The following NAALADL2 variants were observed in gnomAD, a reference collection of about 807,000 sequenced individuals.
The protein encoded by NAALADL2 is inactive N-acetylated-alpha-linked acidic dipeptidase-like protein 2.
In NAALADL2, 76 loss-of-function variants were observed where a neutral mutation model predicts 87.2. That is an observed-to-expected ratio of 0.87 (90% CI 0.72 to 1.05). NAALADL2 has a LOEUF of 1.05. Among genes scored for constraint, NAALADL2 ranks in the 50% least tolerant of loss-of-function variants. The probability of loss-of-function intolerance (pLI) is 0.00; values close to 1 mark genes in which losing one functional copy is unlikely to be tolerated. For synonymous variants in NAALADL2, 354 were observed against 331.0 expected (o/e 1.07, Z -0.75); for missense variants, 1,089 against 945.8 (o/e 1.15, Z -1.99).
At chr3:174,946,043 CAAAAAAAAA>C (rs57964168) in intron 1 of NAALADL2, among the ~76,000 whole-genome samples, 6 of 50,264 alleles carry the variant, frequency 1.2e-4, no homozygotes, top group African/African-American at 3.4e-4. Context: ...GACTCTGCCT[CAAAAAAAAA>C]AAAAAAAAAA....
rs570008788 is a variant in NAALADL2, at chr3:174,697,433, T to C, written c.-114-40208T>C. Among the ~76,000 whole-genome samples, 4 of 152,314 alleles carry C rather than the reference T, an allele frequency of 2.6e-5. No homozygotes were observed. In the East Asian group the frequency reaches 5.8e-4, roughly 22 times the overall value. On this transcript the variant is annotated intron_variant, in intron 2 of 3. Transcript: ENST00000434257. ...CCTTAGAAGACCTAATGGAGATAAATTTGAAGCCTTCCAGTAAGTCACATT... is the reference window on the plus strand; with the variant it reads ...CCTTAGAAGACCTAATGGAGATAAACTTGAAGCCTTCCAGTAAGTCACATT...
chr3:175,150,479 G>C (rs1180892619), intron 2 of NAALADL2, among the ~76,000 whole-genome samples: 4 of 151,998 alleles, frequency 2.6e-5, no homozygotes, highest in Non-Finnish European at 5.9e-5. Flanking sequence ...TCTATATGTT[G>C]TTTGTCTTTT....
chr3:175,102,966 G>C (rs150991837), intron 2 of NAALADL2, among the ~76,000 whole-genome samples: 2 of 151,940 alleles, frequency 1.3e-5, no homozygotes, highest in East Asian at 3.9e-4. Context: ...AAAATTACCC[G>C]GGCATGGTGG....
At chr3:175,210,458 A>G (rs372936898) in intron 2 of NAALADL2, among the ~76,000 whole-genome samples, 1 of 151,898 alleles carries the variant, frequency 6.6e-6, no homozygotes. Context: ...GTGTATGTAC[A>G]TGTTTATGTG....
At chr3:175,008,149 G>A (rs1244974138) in intron 1 of NAALADL2, among the ~76,000 whole-genome samples, 3 of 152,130 alleles carry the variant, frequency 2.0e-5, no homozygotes, top group African/African-American at 7.2e-5. Context: ...AAGCTGAGGT[G>A]AGAGGATCAA....
chr3:175,359,719 CATTAA>C (rs1281719976), intron 5 of NAALADL2, among the ~76,000 whole-genome samples: 2 of 152,138 alleles, frequency 1.3e-5, no homozygotes, highest in East Asian at 3.9e-4. Context: ...AAGAATTAAA[CATTAA>C]ATTATATGGA....
intron 5 of NAALADL2, among the ~76,000 whole-genome samples, chr3:175,439,466 A>T (rs754527090): frequency 6.6e-6 from 1 of 151,636 alleles, no homozygotes; most frequent in Non-Finnish European, 1.5e-5. Context: ...CCAACAGCGT[A>T]CAAGGGTTCC....
At chr3:175,334,443 T>C (rs1761768444) in intron 5 of NAALADL2, among the ~76,000 whole-genome samples, 1 of 152,212 alleles carries the variant, frequency 6.6e-6, no homozygotes, top group Non-Finnish European at 1.5e-5. Flanking sequence ...TATTCATTTG[T>C]TTATCTTTCC....
rs1721298362 is a variant in NAALADL2 at position 175,097,145 on chromosome 3, C to T, written c.399C>T (p.Thr133=). ...CHVLKILCTA[T]ILFIFGILIG... ...TCTTAAAAATACTTTGCACAGCCAC[C>T]ATTTTATTTATTTTTGGGATTTTGA... Residue 133 remains threonine, a synonymous_variant, in exon 2 of 14, where the codon ACC becomes ACT. Transcript: ENST00000454872. 6.2e-7 allele frequency: 1 copy of T among 1,613,796 alleles called. No homozygotes were observed.
rs116597707 is a variant in NAALADL2 at position 174,897,066 on chromosome 3, A to G, written c.43+37616A>G. On this transcript the variant is annotated intron_variant, in intron 1 of 13. Coordinates refer to ENST00000454872, the MANE Select transcript of NAALADL2 (RefSeq NM_207015.3). ...AAGACTTTAAACTATGAAAACTACTACAAGAAAACATTGTGGAACTCTCCA... is the reference window on the plus strand; with the variant it reads ...AAGACTTTAAACTATGAAAACTACTGCAAGAAAACATTGTGGAACTCTCCA... Among the ~76,000 whole-genome samples, 971 of 152,328 alleles carry G rather than the reference A, an allele frequency of 6.4e-3. 13 individuals are homozygous for G. The highest frequency in any genetic ancestry group is 0.022 in the African/African-American group (899 of 41,572).
At chr3:175,679,503 A>G (rs1370378669) in intron 11 of NAALADL2, among the ~76,000 whole-genome samples, 3 of 152,276 alleles carry the variant, frequency 2.0e-5, no homozygotes, top group South Asian at 2.1e-4. Flanking sequence ...GCTCTTCTGT[A>G]TAGTCTTCTT....
intron 11 of NAALADL2, among the ~76,000 whole-genome samples, chr3:175,667,243 A>G (rs182256867): frequency 0.032 from 3,414 of 105,108 alleles, 72 homozygotes; most frequent in Middle Eastern, 0.047. Flanking sequence ...AAGAAAGAAA[A>G]AGAAAGAAAG....
chr3:175,791,007 G>C (rs781569197), intron 13 of NAALADL2, among the ~76,000 whole-genome samples: 1 of 152,106 alleles, frequency 6.6e-6, no homozygotes, highest in South Asian at 2.1e-4. Context: ...AGGGAGCTGG[G>C]AAAAAATACA....
intron 5 of NAALADL2, among the ~76,000 whole-genome samples, chr3:175,340,657 C>A (rs1313461135): frequency 1.3e-5 from 2 of 152,104 alleles, no homozygotes; most frequent in Non-Finnish European, 2.9e-5. Context: ...CAAGCCCCTG[C>A]CACAGTTAAG....
chr3:175,149,761 A>G (rs1731274677), intron 2 of NAALADL2, among the ~76,000 whole-genome samples: 1 of 152,190 alleles, frequency 6.6e-6, no homozygotes, highest in South Asian at 2.1e-4. Flanking sequence ...GAACCTGAAC[A>G]GATTCAATTC....
At chr3:174,686,115 T>C (rs1042866345) in intron 2 of NAALADL2, among the ~76,000 whole-genome samples, 1 of 152,106 alleles carries the variant, frequency 6.6e-6, no homozygotes, top group Non-Finnish European at 1.5e-5. Flanking sequence ...TTGTGTATAG[T>C]GATGCAATGA....
At chr3:175,087,920 A>G (rs1719356265) in intron 1 of NAALADL2, among the ~76,000 whole-genome samples, 1 of 152,068 alleles carries the variant, frequency 6.6e-6, no homozygotes. Context: ...CTAAAAAAAA[A>G]AAAAAAATCT....
chr3:174,582,880 A>C (rs995117624), intron 2 of NAALADL2, among the ~76,000 whole-genome samples: 1 of 145,546 alleles, frequency 6.9e-6, no homozygotes, highest in Non-Finnish European at 1.5e-5. Context: ...CACTGCACCC[A>C]GCCCAGACTT....
rs1723408314 is a variant in NAALADL2, at chr3:175,604,471, T to A, written c.1801-22820T>A. Among the ~76,000 whole-genome samples the A allele has an allele frequency of 2.4e-5, 3 of 125,014 alleles. No individual in the cohort carries two copies. In the South Asian group the frequency reaches 8.6e-4, roughly 36 times the overall value. The allele number at this position is 125,014 out of a possible 152,430, so 82.0% of individuals were successfully genotyped here. ...GGCACCCACCACCACGCCTGGCTAA[T>A]TTTTTTGTCTTTTTAGTAGAGACGG... is the stretch of plus-strand genomic sequence containing the variant. On this transcript the variant is annotated intron_variant, in intron 10 of 13. Transcript: ENST00000454872.
Sources: allele counts gnomAD v4.1 joint callset (sites outside exome capture counted in the v4.1 genomes callset), GRCh38; gene constraint gnomAD v4.1.1; transcripts MANE v1.5; gene names NCBI Gene and HGNC (gene_info 2026-07-23, HGNC 2026-07-21).